The following AP4E1 variants were observed in gnomAD, a reference collection of about 807,000 sequenced individuals.
The protein encoded by AP4E1 is AP-4 complex subunit epsilon-1.
Under a neutral mutation model 128.2 loss-of-function variants are expected in AP4E1, and 56 were observed. The ratio of observed to expected loss-of-function variants is 0.44; its 90% CI spans 0.35 to 0.55. The LOEUF (loss-of-function observed/expected upper bound fraction) is 0.55. AP4E1 is among the 20% of genes least tolerant of loss of function. The pLI is 0.00. For missense variants in AP4E1, 1,324 were observed against 1,307.7 expected, an observed-to-expected ratio of 1.01 and a Z score of -0.19; for synonymous variants, 484 against 473.1, an observed-to-expected ratio of 1.02 and a Z score of -0.30.
At chr15:50,960,691 A>G (rs896364665) in intron 14 of AP4E1, among the ~76,000 whole-genome samples, 1 of 152,022 alleles carries the variant, frequency 6.6e-6, no homozygotes, top group Non-Finnish European at 1.5e-5. Flanking sequence ...AAGGATTTCA[A>G]ACAAACAACC....
chr15:50,909,031 CTCCGGCGGGGCTCAGGGGCTGCTGTG>C, intron 1 of AP4E1, 103 bp downstream of exon 1: 2 of 1,535,822 alleles, frequency 1.3e-6, no homozygotes, highest in Non-Finnish European at 1.7e-6. Context: ...GGGGTTAGCC[CTCCGGCGGGGCTCAGGGGCTGCTGTG>C]TCGGTTCGTC....
At chr15:50,994,078 T>C (rs188848244) in intron 17 of AP4E1, among the ~76,000 whole-genome samples, 1 of 152,320 alleles carries the variant, frequency 6.6e-6, no homozygotes, top group Non-Finnish European at 1.5e-5. Context: ...TAATATTGCT[T>C]TGTAAAATGA....
chr15:50,988,753 TA>T (rs1224175090), intron 16 of AP4E1, among the ~76,000 whole-genome samples: 1 of 152,140 alleles, frequency 6.6e-6, no homozygotes, highest in Non-Finnish European at 1.5e-5. Flanking sequence ...CACACCGTTG[TA>T]AAGCCAAAAA....
chr15:50,965,253 A>G (rs907774616), intron 14 of AP4E1, among the ~76,000 whole-genome samples: 3 of 152,184 alleles, frequency 2.0e-5, no homozygotes, highest in Non-Finnish European at 2.9e-5. Flanking sequence ...TGGAGGCTGT[A>G]GAAAGGCTTT....
At chr15:50,910,592 A>C (rs917678938) in intron 1 of AP4E1, among the ~76,000 whole-genome samples, 1 of 152,260 alleles carries the variant, frequency 6.6e-6, no homozygotes, top group African/African-American at 2.4e-5. Flanking sequence ...GGCAGCTCTA[A>C]TAAGTTGATG....
At chr15:50,952,385 C>T (rs2064163047) in intron 13 of AP4E1, among the ~76,000 whole-genome samples, 1 of 151,850 alleles carries the variant, frequency 6.6e-6, no homozygotes, top group Non-Finnish European at 1.5e-5. Flanking sequence ...TGGCACGCAC[C>T]TGTAGTCCCA....
chr15:50,943,252 A>G (rs1469983072), intron 10 of AP4E1, among the ~76,000 whole-genome samples: 3 of 152,216 alleles, frequency 2.0e-5, no homozygotes, highest in African/African-American at 7.2e-5. Flanking sequence ...AAGAGAATCT[A>G]CTAAATACTA....
At chr15:50,941,397 TATACCTTACC>T in intron 8 of AP4E1, 35 bp from the exon 9 acceptor site, 1 of 1,597,726 alleles carries the variant, frequency 6.3e-7, no homozygotes, top group East Asian at 2.2e-5. Flanking sequence ...ATTGTTTTGT[TATACCTTACC>T]ATGATACCTG....
intron 11 of AP4E1, among the ~76,000 whole-genome samples, chr15:50,949,366 T>A (rs2064112790): frequency 6.8e-6 from 1 of 146,058 alleles, no homozygotes; most frequent in South Asian, 2.1e-4. Context: ...TGAACCGAGA[T>A]CGCACCACTG....
chr15:50,919,240 A>G (rs1295135826), intron 3 of AP4E1, among the ~76,000 whole-genome samples: 2 of 145,590 alleles, frequency 1.4e-5, no homozygotes, highest in Non-Finnish European at 3.0e-5. Flanking sequence ...AAAAAAATAA[A>G]TAAATAATGT....
intron 13 of AP4E1, 88 bp from the exon 14 acceptor site, chr15:50,958,404 C>T (rs928382812): frequency 1.8e-6 from 2 of 1,094,212 alleles, no homozygotes; most frequent in African/African-American, 3.2e-5. Flanking sequence ...TAAATTCACT[C>T]TAGCAGTAGG....
At chr15:50,937,156 A>T (rs965133395) in intron 8 of AP4E1, among the ~76,000 whole-genome samples, 2 of 152,226 alleles carry the variant, frequency 1.3e-5, no homozygotes, top group Non-Finnish European at 2.9e-5. Flanking sequence ...AGCAATCCTG[A>T]TATAGGTATT....
intron 15 of AP4E1, among the ~76,000 whole-genome samples, chr15:50,976,255 G>A (rs7166073): frequency 0.11 from 17,061 of 152,144 alleles, 1,227 homozygotes; most frequent in Middle Eastern, 0.18. Flanking sequence ...GTGATATCAT[G>A]TTAACAGAAT....
chr15:50,984,752 G>A (rs2064694099), intron 16 of AP4E1, among the ~76,000 whole-genome samples: 1 of 152,142 alleles, frequency 6.6e-6, no homozygotes, highest in Non-Finnish European at 1.5e-5. Context: ...ATTGTGAATA[G>A]TGCCGCAGTA....
intron 7 of AP4E1, among the ~76,000 whole-genome samples, chr15:50,933,902 A>C (rs3784302): frequency 1.6e-4 from 24 of 151,336 alleles, no homozygotes; most frequent in Admixed American, 7.2e-4. Flanking sequence ...TTTTTCTTCT[A>C]TTAGTGCTTT....
chr15:50,920,392 C>T (rs929950293), intron 3 of AP4E1, among the ~76,000 whole-genome samples: 3 of 150,642 alleles, frequency 2.0e-5, no homozygotes, highest in Non-Finnish European at 4.4e-5. Context: ...GGATTACAGG[C>T]GTAAGCCACC....
chr15:51,001,118 C>T lies in AP4E1; in HGVS notation c.3188C>T (p.Ala1063Val). The T allele has an allele frequency of 1.2e-6, 2 of 1,613,598 alleles. No individual in the cohort carries two copies. The highest frequency in any genetic ancestry group is 1.7e-6 in the Non-Finnish European group (2 of 1,179,652). ...KQNVKMSESQAALPSALKTLQ... is the reference protein window; with the variant it reads ...KQNVKMSESQVALPSALKTLQ... Reference sequence around the variant, plus strand: ...AATGTAAAAATGTCAGAATCTCAAGCTGCACTTCCTTCTGCACTAAAGACT... The same window carrying T: ...AATGTAAAAATGTCAGAATCTCAAGTTGCACTTCCTTCTGCACTAAAGACT... The change falls in exon 20 of 21, where the codon GCT (alanine) becomes GTT (valine). Residue 1063 changes from alanine (A) to valine (V), a missense_variant. Physicochemically the swap from Ala to Val is moderately conservative, Grantham distance 64 (BLOSUM62 0). Transcript: ENST00000261842.
chr15:50,922,526 G>A (rs17703090), intron 3 of AP4E1, among the ~76,000 whole-genome samples: 121,246 of 152,100 alleles, frequency 0.8, 48,438 homozygotes, highest in African/African-American at 0.87. Context: ...CCTGTTCCAT[G>A]GTAGACACAG....
At chr15:50,909,017 C>G in intron 1 of AP4E1, 89 bp downstream of exon 1, 1 of 1,570,222 alleles carries the variant, frequency 6.4e-7, no homozygotes, top group South Asian at 1.1e-5. Context: ...ACTTCAGGGC[C>G]TCTGGGGTTA....
Sources: gnomAD v4.1 joint callset for allele counts (sites outside exome capture counted in the v4.1 genomes callset) on GRCh38, gnomAD v4.1.1 for gene constraint, MANE v1.5 for transcripts, NCBI Gene and HGNC (gene_info 2026-07-23, HGNC 2026-07-21) for gene names.